Variants in PCDH20 observed in about 807,000 individuals in gnomAD.
PCDH20 encodes the protein protocadherin 20.
PCDH20 carries 18 observed loss-of-function variants against 39.7 expected under a neutral mutation model. That is an observed-to-expected ratio of 0.45 (90% confidence interval 0.31 to 0.67). The LOEUF (loss-of-function observed/expected upper bound fraction) is 0.67. Ranked by LOEUF, PCDH20 falls within the 30% of genes least tolerant of loss-of-function variation. The pLI is 0.05. For synonymous variants in PCDH20, 495 were observed against 455.4 expected (o/e 1.09, Z -1.11); for missense variants, 1,161 against 1,167.4 (o/e 0.99, Z 0.08).
At chr13:61,414,423 T>C (rs1354399663) in intron 1 of PCDH20, among the ~76,000 whole-genome samples, 1 of 151,992 alleles carries the variant, frequency 6.6e-6, no homozygotes, top group Non-Finnish European at 1.5e-5. Context: ...GCCATTAGAG[T>C]GCTGGAACAC....
At chr13:61,411,365 A>G in exon 2 of PCDH20, 2 of 1,614,096 alleles carry the variant, frequency 1.2e-6, no homozygotes, top group Non-Finnish European at 1.7e-6. Flanking sequence ...TTCCTTAAAC[A>G]GATGTATATG....
exon 2 of PCDH20, chr13:61,411,708 A>G: frequency 6.2e-7 from 1 of 1,614,166 alleles, no homozygotes. Context: ...TTTTAGGGTC[A>G]ATCCTGAAGG....
chr13:61,411,264 T>G lies in PCDH20; in HGVS notation c.2835A>C (p.Pro945=), dbSNP rs201217118. The G allele has an allele frequency of 9.9e-6, 16 of 1,612,470 alleles. No individual in the cohort carries two copies. The African/African-American group carries it at 2.0e-4, about 20-fold the overall frequency. Reference sequence around the variant, plus strand: ...AATATCAAATATTAGAAATATCCATTGGCTTTCTCTCTCGCATATGCAAGT... The same window carrying G: ...AATATCAAATATTAGAAATATCCATGGGCTTTCTCTCTCGCATATGCAAGT... Residue 945 remains proline, a synonymous_variant, in exon 2 of 2, where the codon CCA becomes CCC. Transcript: ENST00000409204.
At chr13:61,411,209 A>T (rs1204439172) in exon 2 of PCDH20, 2 of 1,547,664 alleles carry the variant, frequency 1.3e-6, no homozygotes, top group African/African-American at 1.4e-5. Context: ...AAAGTCAGTT[A>T]AAACATTTCT....
Position 61,414,095 on chromosome 13 carries a change from C to G in PCDH20, c.133-129G>C, listed in dbSNP as rs566921128. On this transcript the variant is annotated intron_variant, in intron 1 of 1. Coordinates refer to ENST00000409204, the Ensembl canonical transcript of PCDH20. The stretch of plus-strand genomic sequence containing the variant: ...CCAGAAGCAAAACCTCTAATTAGAA[C>G]GGGGGCGGAGAAGAACCCTGCTGCG... 1.8e-3 allele frequency: 1,508 copies of G among 821,784 alleles called. 4 individuals carry two copies. The highest frequency in any genetic ancestry group is 2.6e-3 in the Non-Finnish European group (1,383 of 536,072). 50.9% of individuals were successfully genotyped at this position (821,784 alleles called of 1,614,324 possible). A position where few individuals can be genotyped will look rare whatever the true frequency, so the allele number is the denominator to read the frequency against.
Position 61,415,149 on chromosome 13 carries a change from G to A in PCDH20, c.10C>T (p.Arg4Ter), listed in dbSNP as rs755127076. Reference sequence around the variant, plus strand: ...GCCTGTGAGCTGCGCGCATTCCCTCGGCCGCGCATTCCCTGGGAGGCTGCA... The same window carrying A: ...GCCTGTGAGCTGCGCGCATTCCCTCAGCCGCGCATTCCCTGGGAGGCTGCA... The change falls in exon 1 of 2, where the codon CGA (arginine) becomes TGA (stop). Residue 4 changes from arginine (R) to a stop codon, truncating the protein, a stop_gained. Transcript: ENST00000409204. LOFTEE classifies it high-confidence loss of function. 2 of 1,451,792 alleles carry A rather than the reference G, an allele frequency of 1.4e-6. No homozygotes were observed. Among genetic ancestry groups the A allele is most frequent in the Admixed American group, 2.5e-5 (1 of 40,722 alleles). 89.9% of individuals were successfully genotyped at this position (1,451,792 alleles called of 1,614,324 possible). A position where few individuals can be genotyped will look rare whatever the true frequency, so the allele number is the denominator to read the frequency against.
At chr13:61,411,692 T>C in exon 2 of PCDH20, 6 of 1,614,190 alleles carry the variant, frequency 3.7e-6, no homozygotes, top group Non-Finnish European at 5.1e-6. Flanking sequence ...AAAGTAATGT[T>C]GCCAGTTTTA....
exon 2 of PCDH20, chr13:61,410,509 A>T (rs9528335): frequency 0.97 from 148,036 of 152,622 alleles, 71,958 homozygotes; most frequent in East Asian, 1. Flanking sequence ...TGTATGTATA[A>T]ATCTATTTCC....
At chr13:61,414,773 T>C (rs1476236736) in intron 1 of PCDH20, among the ~76,000 whole-genome samples, 1 of 152,156 alleles carries the variant, frequency 6.6e-6, no homozygotes, top group African/African-American at 2.4e-5. Context: ...TAAAGCGGAT[T>C]GAGCGCACCC....
exon 1 of PCDH20, chr13:61,415,048 G>T: frequency 6.5e-7 from 1 of 1,538,760 alleles, no homozygotes; most frequent in Non-Finnish European, 8.8e-7. Context: ...TGTAGCTGGT[G>T]CTGCTCCTGG....
chr13:61,412,019 G>A, exon 2 of PCDH20: 1 of 1,614,064 alleles, frequency 6.2e-7, no homozygotes, highest in Non-Finnish European at 8.5e-7. Flanking sequence ...TTAGCCCTCA[G>A]CATACCCTTT....
chr13:61,415,201 GC>G lies in PCDH20; in HGVS notation c.-44del. 1 of 1,336,304 alleles carries G rather than the reference GC, an allele frequency of 7.5e-7. No homozygotes were observed. Among genetic ancestry groups the G allele is most frequent in the South Asian group, 1.9e-5 (1 of 54,050 alleles). 82.8% of individuals were successfully genotyped at this position (1,336,304 alleles called of 1,614,324 possible). On this transcript the variant is annotated 5_prime_UTR_variant, in exon 1 of 2. The change abolishes the stop of an existing upstream ORF in the 5' untranslated region. Transcript: ENST00000409204. The stretch of plus-strand genomic sequence containing the variant: ...TCAGAGCGCTCTTGAAGGGAGGGCG[GC>G]AGAAGACACTCCCTCTCGGTTCATG...
At chr13:61,413,223 A>C (rs1272887276) in exon 2 of PCDH20, 1 of 1,614,154 alleles carries the variant, frequency 6.2e-7, no homozygotes. Flanking sequence ...CACCATCCTC[A>C]GCTATGATGA....
At chr13:61,412,190 G>A (rs1878260039) in exon 2 of PCDH20, 1 of 1,614,106 alleles carries the variant, frequency 6.2e-7, no homozygotes, top group Non-Finnish European at 8.5e-7. Context: ...ATAAACCGAG[G>A]ACTGTTGTCA....
At chr13:61,411,313 T>C in exon 2 of PCDH20, 1 of 1,614,128 alleles carries the variant, frequency 6.2e-7, no homozygotes, top group Non-Finnish European at 8.5e-7. Flanking sequence ...CAGTGGAATC[T>C]GTACTTCCAA....
exon 2 of PCDH20, chr13:61,413,080 G>A (rs1871438638): frequency 6.2e-7 from 1 of 1,614,080 alleles, no homozygotes; most frequent in Non-Finnish European, 8.5e-7. Flanking sequence ...CTGGACAGCT[G>A]CAATTGGGGT....
chr13:61,413,963 G>C, exon 2 of PCDH20: 1 of 1,605,180 alleles, frequency 6.2e-7, no homozygotes, highest in Non-Finnish European at 8.5e-7. Flanking sequence ...AACAGAAACA[G>C]ATGCTGGAGT....
At chr13:61,413,486 T>C in exon 2 of PCDH20, 1 of 1,613,346 alleles carries the variant, frequency 6.2e-7, no homozygotes, top group Non-Finnish European at 8.5e-7. Flanking sequence ...TGCGGGGCGT[T>C]GTCATTGATG....
exon 2 of PCDH20, chr13:61,413,797 G>A: frequency 6.2e-7 from 1 of 1,613,292 alleles, no homozygotes; most frequent in Non-Finnish European, 8.5e-7. Context: ...CTGCGACTGC[G>A]GGTCCGGCCT....
Sources: gnomAD v4.1 joint callset for allele counts (sites outside exome capture counted in the v4.1 genomes callset) on GRCh38, gnomAD v4.1.1 for gene constraint, MANE v1.5 for transcripts, NCBI Gene and HGNC (gene_info 2026-07-23, HGNC 2026-07-21) for gene names.